The following KCNIP1 variants were observed in gnomAD, a reference collection of about 807,000 sequenced individuals.
The protein encoded by KCNIP1 is A-type potassium channel modulatory protein KCNIP1.
In KCNIP1, 18 loss-of-function variants were observed where a neutral mutation model predicts 33.0. That is an observed-to-expected ratio of 0.55 (90% CI 0.38 to 0.81). The LOEUF (loss-of-function observed/expected upper bound fraction) is 0.81. Ranked by LOEUF, KCNIP1 falls within the 30% of genes least tolerant of loss-of-function variation. The pLI, the probability that KCNIP1 is intolerant of heterozygous loss-of-function variation, is 0.00. For synonymous variants in KCNIP1, 93 were observed against 98.3 expected (o/e 0.95, Z 0.32); for missense variants, 238 against 271.6 (o/e 0.88, Z 0.87).
intron 1 of KCNIP1, among the ~76,000 whole-genome samples, chr5:170,616,320 CA>C (rs1232307476): frequency 0.023 from 2 of 88 alleles, no homozygotes; most frequent in Admixed American, 0.17. Context: ...CTGGGCCAGG[CA>C]CACTGAGGTG....
intron 1 of KCNIP1, among the ~76,000 whole-genome samples, chr5:170,449,455 G>A (rs912012684): frequency 1.3e-5 from 2 of 152,168 alleles, no homozygotes; most frequent in Non-Finnish European, 2.9e-5. Flanking sequence ...GCACTTCCAG[G>A]GCTCCAAGGA....
At chr5:170,617,629 G>T (rs1386934935) in intron 1 of KCNIP1, among the ~76,000 whole-genome samples, 1 of 152,146 alleles carries the variant, frequency 6.6e-6, no homozygotes, top group Non-Finnish European at 1.5e-5. Flanking sequence ...GGGCCTCCAG[G>T]GTCCTAAAAG....
intron 1 of KCNIP1, among the ~76,000 whole-genome samples, chr5:170,368,247 T>TG (rs1763749545): frequency 6.7e-6 from 1 of 150,010 alleles, no homozygotes; most frequent in African/African-American, 2.5e-5. Context: ...GTTTTTAAAG[T>TG]TTTTGTTTGT....
intron 1 of KCNIP1, among the ~76,000 whole-genome samples, chr5:170,498,518 C>T (rs1382614911): frequency 6.6e-5 from 10 of 152,060 alleles, no homozygotes; most frequent in African/African-American, 2.2e-4. Context: ...ACTTACTGCA[C>T]CACTCTTTCC....
intron 1 of KCNIP1, among the ~76,000 whole-genome samples, chr5:170,409,402 C>T (rs929413337): frequency 2.6e-5 from 4 of 152,198 alleles, no homozygotes; most frequent in Non-Finnish European, 5.9e-5. Context: ...TGGGTGTGAA[C>T]TCATGTGTCC....
intron 1 of KCNIP1, among the ~76,000 whole-genome samples, chr5:170,386,219 C>T (rs1764466445): frequency 6.6e-6 from 1 of 151,900 alleles, no homozygotes; most frequent in African/African-American, 2.4e-5. Context: ...TCCCAAGGGT[C>T]CTAATAAGAG....
At chr5:170,660,570 G>A (rs1244969766) in intron 1 of KCNIP1, among the ~76,000 whole-genome samples, 1 of 152,140 alleles carries the variant, frequency 6.6e-6, no homozygotes, top group Non-Finnish European at 1.5e-5. Context: ...AGAACTCCAG[G>A]CCTGTCCCAT....
intron 1 of KCNIP1, among the ~76,000 whole-genome samples, chr5:170,547,603 T>C (rs1238962190): frequency 1.3e-5 from 2 of 152,218 alleles, no homozygotes; most frequent in Admixed American, 6.5e-5. Context: ...TAGCTCACAC[T>C]TATAAGTGAG....
chr5:170,506,374 C>T (rs988200550), intron 1 of KCNIP1, among the ~76,000 whole-genome samples: 2 of 152,236 alleles, frequency 1.3e-5, no homozygotes, highest in East Asian at 1.9e-4. Context: ...GAAGACTCTG[C>T]CTCATATACT....
At chr5:170,374,886 A>T (rs1403466480) in intron 1 of KCNIP1, 1 of 152,110 alleles carries the variant, frequency 6.6e-6, no homozygotes, top group Non-Finnish European at 1.5e-5. Flanking sequence ...CATCTATCTC[A>T]AGCAAATGAA....
intron 1 of KCNIP1, among the ~76,000 whole-genome samples, chr5:170,550,720 A>G (rs530391838): frequency 8.5e-5 from 13 of 152,272 alleles, no homozygotes; most frequent in Non-Finnish European, 1.3e-4. Flanking sequence ...AGTGATGATG[A>G]TAATGACAGT....
At chr5:170,677,200 T>C (rs1762176810) in intron 1 of KCNIP1, among the ~76,000 whole-genome samples, 1 of 152,180 alleles carries the variant, frequency 6.6e-6, no homozygotes, top group East Asian at 1.9e-4. Context: ...GTACATACTG[T>C]GAATGTCTCT....
At chr5:170,732,771 C>A in intron 5 of KCNIP1, 29 bp from the exon 6 acceptor site, 1 of 1,465,162 alleles carries the variant, frequency 6.8e-7, no homozygotes, top group Non-Finnish European at 9.6e-7. Flanking sequence ...ATGGTTTCCA[C>A]ACTGTGTGCT....
rs76960270 is a variant in KCNIP1, at chr5:170,680,949, G to A, written c.62-37809G>A. On this transcript the variant is annotated intron_variant, in intron 1 of 7. Coordinates refer to ENST00000328939, the MANE Select transcript of KCNIP1 (RefSeq NM_014592.4). The stretch of plus-strand genomic sequence containing the variant: ...GAAGGGAGGGAGGCAGAAAGAGGAA[G>A]GCAGACTGGTGGAAAATAAACCGTG... The A allele has an allele frequency of 9.5e-3, 3,788 of 398,124 alleles. 84 individuals carry two copies. The highest frequency in any genetic ancestry group is 0.055 in the African/African-American group (2,688 of 48,722). 24.7% of individuals were successfully genotyped at this position (398,124 alleles called of 1,614,324 possible).
At chr5:170,410,822 T>C (rs1405323357) in intron 1 of KCNIP1, among the ~76,000 whole-genome samples, 2 of 152,182 alleles carry the variant, frequency 1.3e-5, no homozygotes, top group East Asian at 3.8e-4. Context: ...GTTGTGAGGT[T>C]GGCTCAGTGT....
At chr5:170,704,566 C>A (rs1763194812) in intron 1 of KCNIP1, among the ~76,000 whole-genome samples, 1 of 152,154 alleles carries the variant, frequency 6.6e-6, no homozygotes, top group Non-Finnish European at 1.5e-5. Context: ...GTGGACTCTT[C>A]AGCGCCAGCA....
At chr5:170,659,435 G>A (rs1162937004) in intron 1 of KCNIP1, among the ~76,000 whole-genome samples, 1 of 152,158 alleles carries the variant, frequency 6.6e-6, no homozygotes, top group African/African-American at 2.4e-5. Context: ...TAAATGCAAT[G>A]TATGTCCACT....
chr5:170,611,907 T>C (rs1759171091), intron 1 of KCNIP1, among the ~76,000 whole-genome samples: 1 of 152,240 alleles, frequency 6.6e-6, no homozygotes, highest in Admixed American at 6.5e-5. Flanking sequence ...TCATTCATTC[T>C]GTTAATATAT....
Position 170,523,613 on chromosome 5 carries a change from G to C in KCNIP1, c.61+18980G>C, listed in dbSNP as rs1440397749. 4.6e-5 allele frequency among the ~76,000 whole-genome samples: 7 copies of C among 152,172 alleles called. No homozygotes were observed. The East Asian group carries it at 1.4e-3, about 30-fold the overall frequency. On this transcript the variant is annotated intron_variant, in intron 1 of 7. Transcript: ENST00000328939. ...CTCCACCCACTCCCTTACAGGAGGGGGTCCCCAGAGTTCTGACCTAATCCC... is the reference window on the plus strand; with the variant it reads ...CTCCACCCACTCCCTTACAGGAGGGCGTCCCCAGAGTTCTGACCTAATCCC...
Sources: allele counts gnomAD v4.1 joint callset (sites outside exome capture counted in the v4.1 genomes callset), GRCh38; gene constraint gnomAD v4.1.1; transcripts MANE v1.5; gene names NCBI Gene and HGNC (gene_info 2026-07-23, HGNC 2026-07-21).